The following RFTN1 variants were observed in gnomAD, a reference collection of about 807,000 sequenced individuals.
The protein encoded by RFTN1 is raftlin, lipid raft linker 1, also known as raftlin.
A neutral mutation model predicts 46.5 loss-of-function variants in RFTN1; 26 were observed. The observed-to-expected ratio is 0.56, with a 90% CI of 0.41 to 0.78. The LOEUF is 0.78. Among genes scored for constraint, RFTN1 ranks in the 30% least tolerant of loss-of-function variants. The probability of loss-of-function intolerance (pLI) is 0.00; values close to 1 mark genes in which losing one functional copy is unlikely to be tolerated. For synonymous variants in RFTN1, 261 were observed against 284.2 expected, an observed-to-expected ratio of 0.92 and a Z score of 0.82; for missense variants, 693 against 718.7, an observed-to-expected ratio of 0.96 and a Z score of 0.41.
rs66657696 is a variant in RFTN1, at chr3:16,410,212, T to TACACACAC, written c.333-737_333-730dup. 1.1e-3 allele frequency among the ~76,000 whole-genome samples: 151 copies of TACACACAC among 141,314 alleles called. No individual in the cohort carries two copies. The highest frequency in any genetic ancestry group is 1.7e-3 in the East Asian group (8 of 4,724). 92.7% of individuals were successfully genotyped at this position (141,314 alleles called of 152,430 possible). On this transcript the variant is annotated intron_variant, in intron 3 of 9. Transcript: ENST00000334133. This position sits in a 1 kb window ranked among gnomAD's most constrained non-coding sequence, Gnocchi z 4.6. ...TTGGTACAATACAGCTTACATGTTA[T>TACACACAC]ACACACACACACACACACACACACA...
At chr3:16,350,042 T>C (rs2071988044) in intron 7 of RFTN1, 1 of 152,220 alleles carries the variant, frequency 6.6e-6, no homozygotes, top group Non-Finnish European at 1.5e-5. Flanking sequence ...TAATCACATC[T>C]AAAAATACTT....
Position 16,466,285 on chromosome 3 carries a change from C to T in RFTN1, c.145+27440G>A, listed in dbSNP as rs977566026. On this transcript the variant is annotated intron_variant, in intron 2 of 9. Coordinates refer to ENST00000334133, the MANE Select transcript of RFTN1 (RefSeq NM_015150.2). The surrounding 1 kb of genome is among the most constrained non-coding windows in gnomAD (Gnocchi z 5.6). Reference sequence around the variant, plus strand: ...ACAGGTACACATGAGGACTGCATTCCTATTCAGGGATTTACGTGGGAAAAA... The same window carrying T: ...ACAGGTACACATGAGGACTGCATTCTTATTCAGGGATTTACGTGGGAAAAA... 2.0e-5 allele frequency among the ~76,000 whole-genome samples: 3 copies of T among 152,304 alleles called. No homozygotes were observed. Among genetic ancestry groups the T allele is most frequent in the South Asian group, 2.1e-4 (1 of 4,818 alleles).
In RFTN1 at chr3:16,421,597, G is replaced by C. The variant is rs979246814; in HGVS notation, c.333-12114C>G. Among the ~76,000 whole-genome samples, 2 of 152,004 alleles carry C rather than the reference G, an allele frequency of 1.3e-5. No homozygotes were observed. Among genetic ancestry groups the C allele is most frequent in the African/African-American group, 4.8e-5 (2 of 41,372 alleles). ...GATCCCTTGACTTCGTGATCCGCCC[G>C]CCTCGGCCTCCCAAAGTGCTGGGAT... On this transcript the variant is annotated intron_variant, in intron 3 of 9. Coordinates refer to ENST00000334133, the MANE Select transcript of RFTN1 (RefSeq NM_015150.2). The surrounding 1 kb of genome is among the most constrained non-coding windows in gnomAD (Gnocchi z 4.6).
In RFTN1 at chr3:16,451,558, G is replaced by T. The variant is rs1240419552; in HGVS notation, c.146-17521C>A. 6.6e-6 allele frequency among the ~76,000 whole-genome samples: 1 copy of T among 152,160 alleles called. No individual in the cohort carries two copies. Among genetic ancestry groups the T allele is most frequent in the Non-Finnish European group, 1.5e-5 (1 of 68,024 alleles). On this transcript the variant is annotated intron_variant, in intron 2 of 9. Transcript: ENST00000334133. The surrounding 1 kb of genome is among the most constrained non-coding windows in gnomAD (Gnocchi z 4.2). ...GAGTGGTCCCCTCTTCTCCACAGGG[G>T]ATATGCCTGAAACCACAGATAGTAA...
chr3:16,365,726 C>A (rs796959661), intron 6 of RFTN1, among the ~76,000 whole-genome samples: 1 of 150,826 alleles, frequency 6.6e-6, no homozygotes, highest in South Asian at 2.1e-4. Flanking sequence ...TAATTCTTAA[C>A]TTATCAAGGC....
At chr3:16,395,075 A>G (rs1233821942) in intron 4 of RFTN1, among the ~76,000 whole-genome samples, 1 of 152,258 alleles carries the variant, frequency 6.6e-6, no homozygotes, top group Non-Finnish European at 1.5e-5. Flanking sequence ...ACCATTTCCA[A>G]GTTTATACAA....
At chr3:16,416,230 T>TTC in intron 3 of RFTN1, 1 of 456,220 alleles carries the variant, frequency 2.2e-6, no homozygotes, top group Non-Finnish European at 4.4e-6. Flanking sequence ...CAAGAATGAA[T>TTC]AGGACAAAAT....
rs951178315 is a variant in RFTN1 at position 16,442,391 on chromosome 3, C to T, written c.146-8354G>A. The stretch of plus-strand genomic sequence containing the variant: ...TACTCTTCCCATTCCCCTCTCTCCC[C>T]GAGCCCTAGCAATCAATAACATGCT... On this transcript the variant is annotated intron_variant, in intron 2 of 9. Coordinates refer to ENST00000334133, the MANE Select transcript of RFTN1 (RefSeq NM_015150.2). The surrounding 1 kb of genome is among the most constrained non-coding windows in gnomAD (Gnocchi z 4.1). Among the ~76,000 whole-genome samples, 3 of 152,036 alleles carry T rather than the reference C, an allele frequency of 2.0e-5. No individual in the cohort carries two copies. Among genetic ancestry groups the T allele is most frequent in the African/African-American group, 2.4e-5 (1 of 41,394 alleles).
chr3:16,324,646 T>TTGTGTG (rs71632869), intron 8 of RFTN1, among the ~76,000 whole-genome samples: 13,752 of 99,520 alleles, frequency 0.14, 1,070 homozygotes, highest in African/African-American at 0.19. Context: ...TAGTATTCCA[T>TTGTGTG]TGTGTGTGTG....
At position 16,385,081 on chromosome 3, in the gene RFTN1, G is replaced by A. The variant is rs1469075315; in HGVS notation, c.442-6979C>T. On this transcript the variant is annotated intron_variant, in intron 4 of 9. Transcript: ENST00000334133. The surrounding 1 kb of genome is among the most constrained non-coding windows in gnomAD (Gnocchi z 5.0). Reference sequence around the variant, plus strand: ...CTCATAACTCACACGCCCCCGATCCGTGACAACATAGCACAGCACACGCAG... The same window carrying A: ...CTCATAACTCACACGCCCCCGATCCATGACAACATAGCACAGCACACGCAG... 2.0e-5 allele frequency among the ~76,000 whole-genome samples: 3 copies of A among 152,102 alleles called. No homozygotes were observed. Among genetic ancestry groups the A allele is most frequent in the Admixed American group, 6.5e-5 (1 of 15,278 alleles).
At chr3:16,501,100 G>A (rs999473926) in intron 1 of RFTN1, among the ~76,000 whole-genome samples, 1 of 152,108 alleles carries the variant, frequency 6.6e-6, no homozygotes, top group African/African-American at 2.4e-5. Flanking sequence ...TCGCACCACC[G>A]CACTGCAGGC....
rs150203564 is a variant in RFTN1 at position 16,316,960 on chromosome 3, A to G, written c.1605T>C (p.Ala535=). The change falls in exon 10 of 10, where the codon GCT becomes GCC. Residue 535 remains alanine, a synonymous_variant. Coordinates refer to ENST00000334133, the MANE Select transcript of RFTN1 (RefSeq NM_015150.2). This position sits in a 1 kb window ranked among gnomAD's most constrained non-coding sequence, Gnocchi z 4.5. Reference sequence around the variant, plus strand: ...TGTGGCTGGCAGGACCATTCTGCACAGCCTCACCCTCCACACCCACCCCAC... The same window carrying G: ...TGTGGCTGGCAGGACCATTCTGCACGGCCTCACCCTCCACACCCACCCCAC... The part of the protein sequence containing the change: ...LLCGVGVEGE[A]VQNGPASHSR... 670 of 1,613,970 alleles carry G rather than the reference A, an allele frequency of 4.2e-4. 5 individuals are homozygous for G. In the African/African-American group the frequency reaches 8.3e-3, roughly 20 times the overall value.
chr3:16,477,088 G>C (rs1429159), intron 2 of RFTN1, among the ~76,000 whole-genome samples: 1 of 152,122 alleles, frequency 6.6e-6, no homozygotes, highest in Non-Finnish European at 1.5e-5. Flanking sequence ...ACACTATTAA[G>C]GTAAATTATT....
intron 2 of RFTN1, among the ~76,000 whole-genome samples, chr3:16,435,945 T>C (rs13061665): frequency 1.6e-5 from 2 of 126,126 alleles, no homozygotes; most frequent in Non-Finnish European, 3.4e-5. Flanking sequence ...TATATATATA[T>C]CACACACATA....
rs1359106070 is a variant in RFTN1, at chr3:16,317,392, ACT to A, written c.1333-162_1333-161del. ...TACAGGCACCAAACTTGAATCGCAC[ACT>A]ATCACATCACACCCACCCCAAGAGC... On this transcript the variant is annotated intron_variant, in intron 9 of 9. Coordinates refer to ENST00000334133, the MANE Select transcript of RFTN1 (RefSeq NM_015150.2). This position sits in a 1 kb window ranked among gnomAD's most constrained non-coding sequence, Gnocchi z 4.3. Among the ~76,000 whole-genome samples, 3 of 151,168 alleles carry A rather than the reference ACT, an allele frequency of 2.0e-5. No individual in the cohort carries two copies. The highest frequency in any genetic ancestry group is 7.3e-5 in the African/African-American group (3 of 41,064).
At position 16,385,076 on chromosome 3, in the gene RFTN1, G is replaced by A. The variant is rs978789728; in HGVS notation, c.442-6974C>T. Among the ~76,000 whole-genome samples the A allele has an allele frequency of 2.0e-5, 3 of 152,132 alleles. No homozygotes were observed. Among genetic ancestry groups the A allele is most frequent in the Admixed American group, 6.5e-5 (1 of 15,292 alleles). ...CCTCCCTCATAACTCACACGCCCCC[G>A]ATCCGTGACAACATAGCACAGCACA... On this transcript the variant is annotated intron_variant, in intron 4 of 9. Transcript: ENST00000334133. This position sits in a 1 kb window ranked among gnomAD's most constrained non-coding sequence, Gnocchi z 5.0.
At chr3:16,394,823 A>C (rs2074431452) in intron 4 of RFTN1, among the ~76,000 whole-genome samples, 2 of 152,208 alleles carry the variant, frequency 1.3e-5, no homozygotes, top group Admixed American at 1.3e-4. Flanking sequence ...CAACTCTCCT[A>C]ATGTTATGTG....
Position 16,341,445 on chromosome 3 carries a change from A to G in RFTN1, c.1147-14569T>C, listed in dbSNP as rs2071312199. Among the ~76,000 whole-genome samples the G allele has an allele frequency of 1.3e-5, 2 of 152,220 alleles. No individual in the cohort carries two copies. The highest frequency in any genetic ancestry group is 6.5e-5 in the Admixed American group (1 of 15,284). ...CTGACAGAGAAACTGCAGTGGAACC[A>G]TACAATGAAATATTATCCAGCACTA... On this transcript the variant is annotated intron_variant, in intron 7 of 9. Transcript: ENST00000334133. The surrounding 1 kb of genome is among the most constrained non-coding windows in gnomAD (Gnocchi z 4.7).
At chr3:16,431,266 A>G (rs2075381925) in intron 3 of RFTN1, among the ~76,000 whole-genome samples, 3 of 152,302 alleles carry the variant, frequency 2.0e-5, no homozygotes, top group East Asian at 1.9e-4. Context: ...GCAAGCCCCA[A>G]TAGTGTTGCT....
Sources: gnomAD v4.1 joint callset for allele counts (sites outside exome capture counted in the v4.1 genomes callset) on GRCh38, gnomAD v4.1.1 for gene constraint, Gnocchi (gnomAD v3.1) non-coding constraint, MANE v1.5 for transcripts, NCBI Gene and HGNC (gene_info 2026-07-23, HGNC 2026-07-21) for gene names.